The following CNTLN variants were observed in gnomAD, a reference collection of about 807,000 sequenced individuals.
CNTLN encodes the protein centlein, centrosomal protein.
CNTLN carries 212 observed loss-of-function variants against 180.0 expected under a neutral mutation model. The observed-to-expected ratio is 1.18, with a 90% CI of 1.05 to 1.32. The LOEUF is 1.32. Among genes scored for constraint, CNTLN ranks in the 40% most tolerant of loss-of-function variants. The pLI is 0.00. For missense variants in CNTLN, 2,095 were observed against 1,610.9 expected (o/e 1.30, Z -5.14); for synonymous variants, 722 against 563.1 (o/e 1.28, Z -3.99).
At chr9:17,154,642 A>G (rs1242925383) in intron 2 of CNTLN, among the ~76,000 whole-genome samples, 3 of 152,134 alleles carry the variant, frequency 2.0e-5, no homozygotes, top group Non-Finnish European at 2.9e-5. Context: ...GACTTGGAGA[A>G]CTTCTCTGTC....
intron 5 of CNTLN, among the ~76,000 whole-genome samples, chr9:17,260,617 G>C (rs188271434): frequency 3.2e-4 from 49 of 151,392 alleles, no homozygotes; most frequent in Admixed American, 2.7e-3. Flanking sequence ...CTCCCATTCT[G>C]TATGTTGACT....
intron 18 of CNTLN, among the ~76,000 whole-genome samples, chr9:17,430,257 T>C (rs1485752586): frequency 6.6e-6 from 1 of 152,044 alleles, no homozygotes; most frequent in Non-Finnish European, 1.5e-5. Flanking sequence ...GTCCGTGTTA[T>C]CATAGCTGGC....
At chr9:17,260,540 C>G (rs1188874194) in intron 5 of CNTLN, among the ~76,000 whole-genome samples, 1 of 151,118 alleles carries the variant, frequency 6.6e-6, no homozygotes, top group Non-Finnish European at 1.5e-5. Flanking sequence ...ACTTAAGTTT[C>G]TTATGGTTTC....
chr9:17,471,191 T>C (rs1399128917), intron 23 of CNTLN, among the ~76,000 whole-genome samples: 4 of 152,130 alleles, frequency 2.6e-5, no homozygotes, highest in Admixed American at 1.3e-4. Context: ...AAAACCATGA[T>C]GGGAAGAGTG....
Position 17,310,797 on chromosome 9 carries a change from T to G in CNTLN, c.1341+1545T>G, listed in dbSNP as rs563750095. Among the ~76,000 whole-genome samples, 10 of 152,310 alleles carry G rather than the reference T, an allele frequency of 6.6e-5. No individual in the cohort carries two copies. In the East Asian group the frequency reaches 1.9e-3, roughly 29 times the overall value. ...TATAAAATAATATTTTATTTTGTTT[T>G]TTATGTGCATATCACTGACTAGCCA... On this transcript the variant is annotated intron_variant, in intron 8 of 25. Transcript: ENST00000380647.
chr9:17,269,829 C>T (rs528240349), intron 5 of CNTLN, among the ~76,000 whole-genome samples: 1 of 152,158 alleles, frequency 6.6e-6, no homozygotes, highest in South Asian at 2.1e-4. Flanking sequence ...TAGACCACCA[C>T]AATAAAGGGA....
intron 18 of CNTLN, among the ~76,000 whole-genome samples, chr9:17,431,383 A>G (rs1431058122): frequency 6.6e-6 from 1 of 151,898 alleles, no homozygotes; most frequent in Non-Finnish European, 1.5e-5. Flanking sequence ...TCTTTTGCCC[A>G]TTTTTAATTG....
intron 5 of CNTLN, among the ~76,000 whole-genome samples, chr9:17,265,659 A>C (rs1827371554): frequency 6.6e-6 from 1 of 152,084 alleles, no homozygotes; most frequent in South Asian, 2.1e-4. Context: ...CTGTGAATCC[A>C]TCTGGTCCTG....
intron 2 of CNTLN, among the ~76,000 whole-genome samples, chr9:17,211,236 G>T (rs1823281743): frequency 6.6e-6 from 1 of 152,170 alleles, no homozygotes; most frequent in South Asian, 2.1e-4. Flanking sequence ...TTTAGTACAA[G>T]GTGTAAGGAA....
chr9:17,332,989 A>G (rs1259069647), intron 10 of CNTLN, among the ~76,000 whole-genome samples: 1 of 152,092 alleles, frequency 6.6e-6, no homozygotes, highest in African/African-American at 2.4e-5. Flanking sequence ...AATTGGGAAT[A>G]AATTTCTTAA....
In CNTLN at chr9:17,416,051, A is replaced by T. The variant is rs199803234; in HGVS notation, c.2976A>T (p.Gln992His). The T allele has an allele frequency of 6.2e-7, 1 of 1,613,528 alleles. No homozygotes were observed. The highest frequency in any genetic ancestry group is 1.7e-5 in the Admixed American group (1 of 59,978). ...TACGAGAACGGATTATATCCTTGCA[A>T]CAACAAAACAGTGTACTTCAGAATG... ...ILLRERIISL[Q>H]QQNSVLQNAK... The change falls in exon 18 of 26, where the codon CAA becomes CAT. Residue 992 changes from glutamine (Q) to histidine (H), a missense_variant. Coordinates refer to ENST00000380647, the MANE Select transcript of CNTLN (RefSeq NM_017738.4).
chr9:17,234,795 A>C (rs995227490), intron 3 of CNTLN, among the ~76,000 whole-genome samples: 2 of 152,222 alleles, frequency 1.3e-5, no homozygotes, highest in African/African-American at 4.8e-5. Context: ...CTATGTGTTT[A>C]ATAAATATTA....
intron 2 of CNTLN, among the ~76,000 whole-genome samples, chr9:17,181,425 A>C (rs755613435): frequency 6.6e-6 from 1 of 152,098 alleles, no homozygotes; most frequent in Non-Finnish European, 1.5e-5. Flanking sequence ...TGAGGCTTCC[A>C]ATTTGTTTCT....
Position 17,418,115 on chromosome 9 carries a change from T to C in CNTLN, c.3114+1926T>C, listed in dbSNP as rs369238908. On this transcript the variant is annotated intron_variant, in intron 18 of 25. Coordinates refer to ENST00000380647, the MANE Select transcript of CNTLN (RefSeq NM_017738.4). ...ACTTATATTTCATTGTTATATGTAATTTTATTTTTTAATACAAATTTTCTT... is the reference window on the plus strand; with the variant it reads ...ACTTATATTTCATTGTTATATGTAACTTTATTTTTTAATACAAATTTTCTT... Among the ~76,000 whole-genome samples, 21 of 152,112 alleles carry C rather than the reference T, an allele frequency of 1.4e-4. No homozygotes were observed. The East Asian group carries it at 1.9e-3, about 14-fold the overall frequency.
intron 15 of CNTLN, among the ~76,000 whole-genome samples, chr9:17,408,690 A>G (rs1827601235): frequency 6.6e-6 from 1 of 151,918 alleles, no homozygotes; most frequent in African/African-American, 2.4e-5. Context: ...AGTCCCAGCT[A>G]CTTGGGATGC....
intron 12 of CNTLN, among the ~76,000 whole-genome samples, chr9:17,354,858 A>G (rs978777887): frequency 2.0e-5 from 3 of 152,042 alleles, no homozygotes; most frequent in Non-Finnish European, 2.9e-5. Context: ...CTTTGGGTCC[A>G]CACTGCTTTT....
intron 18 of CNTLN, among the ~76,000 whole-genome samples, chr9:17,449,265 C>T (rs759761381): frequency 2.0e-5 from 3 of 151,762 alleles, no homozygotes; most frequent in Non-Finnish European, 4.4e-5. Flanking sequence ...GCTATCCCTC[C>T]CTCCTCCCCC....
intron 6 of CNTLN, among the ~76,000 whole-genome samples, chr9:17,296,255 G>C (rs1386969398): frequency 6.6e-6 from 1 of 152,006 alleles, no homozygotes; most frequent in East Asian, 1.9e-4. Flanking sequence ...TCTACCTCAG[G>C]TGATCCACCT....
At chr9:17,389,668 A>T (rs1242040325) in intron 14 of CNTLN, among the ~76,000 whole-genome samples, 1 of 152,126 alleles carries the variant, frequency 6.6e-6, no homozygotes, top group Admixed American at 6.6e-5. Context: ...TATATATGAA[A>T]CTCACTCAAA....
Sources: gnomAD v4.1 joint callset for allele counts (sites outside exome capture counted in the v4.1 genomes callset) on GRCh38, gnomAD v4.1.1 for gene constraint, MANE v1.5 for transcripts, NCBI Gene and HGNC (gene_info 2026-07-23, HGNC 2026-07-21) for gene names.